The following GNPTAB variants were observed in gnomAD, a reference collection of about 807,000 sequenced individuals.
GNPTAB encodes N-acetylglucosamine-1-phosphate transferase subunits alpha and beta.
Under a neutral mutation model 136.6 loss-of-function variants are expected in GNPTAB, and 92 were observed. The ratio of observed to expected loss-of-function variants is 0.67; its 90% CI spans 0.57 to 0.80. The LOEUF (loss-of-function observed/expected upper bound fraction) is 0.80. Among genes scored for constraint, GNPTAB ranks in the 30% least tolerant of loss-of-function variants. The pLI is 0.00. For missense variants in GNPTAB, 1,343 were observed against 1,501.8 expected (o/e 0.89, Z 1.75); for synonymous variants, 512 against 535.1 (o/e 0.96, Z 0.60).
chr12:101,810,919 G>A (rs1870196714), intron 1 of GNPTAB, among the ~76,000 whole-genome samples: 1 of 152,170 alleles, frequency 6.6e-6, no homozygotes, highest in Non-Finnish European at 1.5e-5. Context: ...CCAGTACAAA[G>A]CTCCTAAGGC....
intron 18 of GNPTAB, chr12:101,756,402 C>A (rs1010678241): frequency 3.3e-6 from 1 of 299,608 alleles, no homozygotes; most frequent in Non-Finnish European, 6.6e-6. Flanking sequence ...ATTTAAAAGA[C>A]CCAGAAATTA....
At chr12:101,815,726 A>T (rs565222497) in intron 1 of GNPTAB, among the ~76,000 whole-genome samples, 1 of 152,314 alleles carries the variant, frequency 6.6e-6, no homozygotes, top group South Asian at 2.1e-4. Context: ...TCTGCTCCCA[A>T]ATAGGCAAAG....
intron 1 of GNPTAB, among the ~76,000 whole-genome samples, chr12:101,812,212 G>A (rs1015538970): frequency 2.0e-5 from 3 of 152,070 alleles, no homozygotes; most frequent in East Asian, 1.9e-4. Context: ...TTACACCATT[G>A]CCCTCTGGCC....
At chr12:101,824,930 C>A (rs1488886835) in intron 1 of GNPTAB, among the ~76,000 whole-genome samples, 1 of 152,322 alleles carries the variant, frequency 6.6e-6, no homozygotes, top group East Asian at 1.9e-4. Flanking sequence ...ACATTACCAA[C>A]TTTATGCTAA....
intron 1 of GNPTAB, among the ~76,000 whole-genome samples, chr12:101,799,984 G>A (rs1187390569): frequency 1.3e-5 from 2 of 152,160 alleles, no homozygotes; most frequent in Non-Finnish European, 2.9e-5. Flanking sequence ...TTTGGTTTTG[G>A]TTTTGTTCTG....
In GNPTAB at chr12:101,746,390, G is replaced by A. The variant is rs984207542; in HGVS notation, c.*774C>T. 6.6e-6 allele frequency: 1 copy of A among 152,314 alleles called. No homozygotes were observed. Among genetic ancestry groups the A allele is most frequent in the South Asian group, 2.1e-4 (1 of 4,816 alleles). 9.4% of individuals were successfully genotyped at this position (152,314 alleles called of 1,614,324 possible). The stretch of plus-strand genomic sequence containing the variant: ...CAGCACTACTCATTTCTAAAATGAG[G>A]CACTTCTGTTTGAATATGTACATTT... On this transcript the variant is annotated 3_prime_UTR_variant, in exon 21 of 21. Transcript: ENST00000299314.
At chr12:101,777,304 T>A (rs1953275068) in intron 7 of GNPTAB, among the ~76,000 whole-genome samples, 1 of 152,212 alleles carries the variant, frequency 6.6e-6, no homozygotes, top group Non-Finnish European at 1.5e-5. Flanking sequence ...AGTATGTTCC[T>A]TAGAAGCAGA....
At chr12:101,762,695 C>T (rs1183603365) in intron 13 of GNPTAB, among the ~76,000 whole-genome samples, 1 of 151,988 alleles carries the variant, frequency 6.6e-6, no homozygotes, top group Non-Finnish European at 1.5e-5. Context: ...TAAATTTACA[C>T]TATACATATA....
intron 2 of GNPTAB, among the ~76,000 whole-genome samples, chr12:101,791,805 T>G (rs1414415515): frequency 2.0e-5 from 3 of 152,176 alleles, no homozygotes; most frequent in Non-Finnish European, 4.4e-5. Flanking sequence ...AGAAAAAAAT[T>G]AACAGAAATG....
intron 1 of GNPTAB, among the ~76,000 whole-genome samples, chr12:101,822,224 T>C (rs949713899): frequency 6.6e-6 from 1 of 152,052 alleles, no homozygotes; most frequent in Non-Finnish European, 1.5e-5. Context: ...CCATCCTGGC[T>C]AACACGGTGA....
chr12:101,782,000 C>A (rs1868373140), intron 5 of GNPTAB, among the ~76,000 whole-genome samples: 1 of 152,198 alleles, frequency 6.6e-6, no homozygotes, highest in African/African-American at 2.4e-5. Context: ...GGTAACAAAG[C>A]CGCAATCAAC....
At chr12:101,800,032 T>C (rs990671948) in intron 1 of GNPTAB, among the ~76,000 whole-genome samples, 5 of 152,224 alleles carry the variant, frequency 3.3e-5, no homozygotes, top group African/African-American at 9.6e-5. Flanking sequence ...CTTGAGTTTG[T>C]TGGACACTGG....
intron 1 of GNPTAB, among the ~76,000 whole-genome samples, chr12:101,800,008 C>T (rs1023931623): frequency 1.3e-5 from 2 of 152,222 alleles, no homozygotes; most frequent in African/African-American, 4.8e-5. Context: ...TGTTTCCATA[C>T]ACTTGTACGT....
intron 2 of GNPTAB, among the ~76,000 whole-genome samples, chr12:101,792,867 G>T (rs757987146): frequency 1.3e-5 from 2 of 152,064 alleles, no homozygotes; most frequent in Admixed American, 6.6e-5. Context: ...TCTCCCTACT[G>T]TAATGATTTG....
Position 101,780,228 on chromosome 12 carries a change from C to A in GNPTAB, c.695G>T (p.Gly232Val), listed in dbSNP as rs142981565. 52 of 1,613,276 alleles carry A rather than the reference C, an allele frequency of 3.2e-5. No individual in the cohort carries two copies. Among genetic ancestry groups the A allele is most frequent in the Non-Finnish European group, 4.2e-5 (50 of 1,179,362 alleles). Residue 232 changes from glycine (G) to valine (V), a missense_variant, in exon 7 of 21, where the codon GGA (glycine) becomes GTA (valine). Transcript: ENST00000299314. The part of the protein sequence containing the change: ...VLMQDLAFLS[G>V]FPPTFKETNQ... The stretch of plus-strand genomic sequence containing the variant: ...TGTTTCCTTGAATGTTGGTGGAAAT[C>A]CACTCAGGAAAGCCAAATCTTGCAT...
chr12:101,761,814 G>T, intron 13 of GNPTAB, 51 bp from the exon 14 acceptor site: 1 of 1,317,484 alleles, frequency 7.6e-7, no homozygotes, highest in Non-Finnish European at 1.1e-6. Context: ...GTGCACAAGT[G>T]TACTTTGTTA....
At chr12:101,754,661 G>A (rs1952874811) in intron 18 of GNPTAB, among the ~76,000 whole-genome samples, 1 of 151,874 alleles carries the variant, frequency 6.6e-6, no homozygotes, top group Admixed American at 6.6e-5. Context: ...TTCCTTTCAA[G>A]GCAAAGGTCA....
intron 7 of GNPTAB, among the ~76,000 whole-genome samples, chr12:101,775,153 T>C (rs1333224291): frequency 6.6e-6 from 1 of 152,162 alleles, no homozygotes; most frequent in African/African-American, 2.4e-5. Context: ...AAATCCAAAA[T>C]AACAAGGCTT....
chr12:101,809,759 G>T (rs1038811785), intron 1 of GNPTAB, among the ~76,000 whole-genome samples: 3 of 152,270 alleles, frequency 2.0e-5, no homozygotes, highest in African/African-American at 7.2e-5. Context: ...GGAGAAGATG[G>T]GAATGAATAG....
Sources: allele counts gnomAD v4.1 joint callset (sites outside exome capture counted in the v4.1 genomes callset), GRCh38; gene constraint gnomAD v4.1.1; transcripts MANE v1.5; gene names NCBI Gene and HGNC (gene_info 2026-07-23, HGNC 2026-07-21).